The following LRRC4C variants were observed in gnomAD, a reference collection of about 807,000 sequenced individuals.
LRRC4C encodes leucine-rich repeat-containing protein 4C.
Under a neutral mutation model 33.6 loss-of-function variants are expected in LRRC4C, and 5 were observed. That is an observed-to-expected ratio of 0.15 (90% CI 0.08 to 0.31). LRRC4C has a LOEUF of 0.31. LRRC4C is among the 10% of genes least tolerant of loss of function. LRRC4C has a pLI of 1.00. For missense variants in LRRC4C, 560 were observed against 796.7 expected, an observed-to-expected ratio of 0.70 and a Z score of 3.58; for synonymous variants, 329 against 302.0, an observed-to-expected ratio of 1.09 and a Z score of -0.93.
intron 3 of LRRC4C, among the ~76,000 whole-genome samples, chr11:40,395,619 A>G (rs1482912388): frequency 1.3e-5 from 2 of 152,174 alleles, no homozygotes; most frequent in Non-Finnish European, 2.9e-5. Context: ...GTCTATATTT[A>G]TCTAAAAATG....
chr11:40,756,645 A>G (rs1436863348), intron 2 of LRRC4C, among the ~76,000 whole-genome samples: 1 of 152,078 alleles, frequency 6.6e-6, no homozygotes, highest in Non-Finnish European at 1.5e-5. Flanking sequence ...TTGACAAATC[A>G]CCTCAAAAGT....
Position 40,115,147 on chromosome 11 carries a change from T to A in LRRC4C, c.1146A>T (p.Thr382=), listed in dbSNP as rs750199522. 5 of 1,614,202 alleles carry A rather than the reference T, an allele frequency of 3.1e-6. No individual in the cohort carries two copies. The highest frequency in any genetic ancestry group is 1.7e-5 in the Admixed American group (1 of 60,022). Residue 382 remains threonine, a synonymous_variant, in exon 7 of 7, where the codon ACA becomes ACT. Coordinates refer to ENST00000528697, the MANE Select transcript of LRRC4C (RefSeq NM_001258419.2). The surrounding 1 kb of genome is among the most constrained non-coding windows in gnomAD (Gnocchi z 6.7). ...ELKCRASTSL[T]SVSWITPNGT... ...CATTTGGAGTAATCCAAGATACAGA[T>A]GTCAGGGATGTGGAGGCCCGACATT...
chr11:41,403,622 G>C (rs1206752020), intron 1 of LRRC4C, among the ~76,000 whole-genome samples: 3 of 152,046 alleles, frequency 2.0e-5, no homozygotes, highest in Admixed American at 6.6e-5. Flanking sequence ...GAGCAAATTG[G>C]CCAACAAATT....
chr11:41,235,241 C>A (rs1296273306), intron 1 of LRRC4C, among the ~76,000 whole-genome samples: 1 of 151,922 alleles, frequency 6.6e-6, no homozygotes, highest in African/African-American at 2.4e-5. Context: ...AATACATTGG[C>A]AATGGGGATA....
intron 5 of LRRC4C, among the ~76,000 whole-genome samples, chr11:40,211,872 TTTTAC>T (rs1295277901): frequency 2.0e-5 from 3 of 152,178 alleles, no homozygotes; most frequent in Admixed American, 2.0e-4. Flanking sequence ...TGGATCATGT[TTTTAC>T]TTTGAGACTG....
chr11:41,128,069 C>T (rs1023058075), intron 1 of LRRC4C, among the ~76,000 whole-genome samples: 1 of 152,006 alleles, frequency 6.6e-6, no homozygotes, highest in Non-Finnish European at 1.5e-5. Context: ...TTGCACTATT[C>T]ACATCACTGT....
intron 3 of LRRC4C, among the ~76,000 whole-genome samples, chr11:40,355,282 G>T (rs1281979191): frequency 1.3e-5 from 2 of 152,072 alleles, no homozygotes; most frequent in Non-Finnish European, 2.9e-5. Flanking sequence ...CACTGCTTTG[G>T]GTTGGGAGAG....
chr11:40,916,837 T>C (rs1409700594), intron 2 of LRRC4C, among the ~76,000 whole-genome samples: 1 of 152,100 alleles, frequency 6.6e-6, no homozygotes, highest in Non-Finnish European at 1.5e-5. Context: ...TTTATATTTA[T>C]GGATTTACAA....
intron 2 of LRRC4C, among the ~76,000 whole-genome samples, chr11:40,888,262 A>C (rs962475934): frequency 3.3e-5 from 5 of 151,942 alleles, no homozygotes; most frequent in African/African-American, 4.8e-5. Context: ...GAAATATGTC[A>C]ATGATAATTT....
At chr11:40,173,605 A>G (rs1211983456) in intron 5 of LRRC4C, among the ~76,000 whole-genome samples, 1 of 152,190 alleles carries the variant, frequency 6.6e-6, no homozygotes, top group Non-Finnish European at 1.5e-5. Context: ...ATTCAATCTG[A>G]GACTACCTAT....
chr11:40,192,071 G>T (rs1479567152), intron 5 of LRRC4C, among the ~76,000 whole-genome samples: 1 of 152,218 alleles, frequency 6.6e-6, no homozygotes, highest in Non-Finnish European at 1.5e-5. Flanking sequence ...TAATCTGAAA[G>T]ATTAGACATT....
chr11:41,145,287 C>A (rs972606604), intron 1 of LRRC4C, among the ~76,000 whole-genome samples: 19 of 152,124 alleles, frequency 1.2e-4, no homozygotes, highest in Middle Eastern at 3.2e-3. Flanking sequence ...TACCATAATA[C>A]TATTTTCATT....
chr11:40,230,957 T>G (rs1865154677), intron 5 of LRRC4C, among the ~76,000 whole-genome samples: 1 of 152,232 alleles, frequency 6.6e-6, no homozygotes, highest in Non-Finnish European at 1.5e-5. Context: ...TTTATTGCAG[T>G]TATTTGCTTT....
intron 2 of LRRC4C, among the ~76,000 whole-genome samples, chr11:40,732,550 C>A (rs773240184): frequency 6.6e-6 from 1 of 152,054 alleles, no homozygotes; most frequent in Non-Finnish European, 1.5e-5. Context: ...ATTACACATC[C>A]CTAGAAGGCA....
intron 1 of LRRC4C, among the ~76,000 whole-genome samples, chr11:41,262,447 T>C (rs1222746684): frequency 6.6e-6 from 1 of 151,142 alleles, no homozygotes; most frequent in Non-Finnish European, 1.5e-5. Flanking sequence ...GTCAAATACG[T>C]TCCAAACAGG....
At chr11:40,407,630 A>G (rs972802296) in intron 3 of LRRC4C, among the ~76,000 whole-genome samples, 1 of 152,076 alleles carries the variant, frequency 6.6e-6, no homozygotes, top group Non-Finnish European at 1.5e-5. Flanking sequence ...AATTAATTTA[A>G]TCTCCTGTTC....
chr11:40,464,251 AG>A (rs925559229), intron 3 of LRRC4C, among the ~76,000 whole-genome samples: 2 of 152,128 alleles, frequency 1.3e-5, no homozygotes, highest in African/African-American at 4.8e-5. Flanking sequence ...TCAATAGATG[AG>A]GAAAAAAATT....
At chr11:40,890,044 C>G (rs1040876735) in intron 2 of LRRC4C, among the ~76,000 whole-genome samples, 1 of 152,074 alleles carries the variant, frequency 6.6e-6, no homozygotes, top group African/African-American at 2.4e-5. Flanking sequence ...TTTAATCTGT[C>G]AGGTGGTCTC....
intron 3 of LRRC4C, among the ~76,000 whole-genome samples, chr11:40,602,066 G>T (rs919140649): frequency 1.3e-5 from 2 of 151,508 alleles, no homozygotes; most frequent in Non-Finnish European, 2.9e-5. Flanking sequence ...GTGGTGGCGC[G>T]TGCCTCTAAT....
Sources: gnomAD v4.1 joint callset for allele counts (sites outside exome capture counted in the v4.1 genomes callset) on GRCh38, gnomAD v4.1.1 for gene constraint, Gnocchi (gnomAD v3.1) non-coding constraint, MANE v1.5 for transcripts, NCBI Gene and HGNC (gene_info 2026-07-23, HGNC 2026-07-21) for gene names.